The following NUDT9 variants were observed in gnomAD, a reference collection of about 807,000 sequenced individuals.
NUDT9 encodes the protein nudix hydrolase 9.
Under a neutral mutation model 41.0 loss-of-function variants are expected in NUDT9, and 31 were observed. The observed-to-expected ratio is 0.76, with a 90% confidence interval of 0.57 to 1.02. The LOEUF (loss-of-function observed/expected upper bound fraction) is 1.02. Among genes scored for constraint, NUDT9 ranks in the 50% least tolerant of loss-of-function variants. The pLI is 0.00. For missense variants in NUDT9, 380 were observed against 431.4 expected (o/e 0.88, Z 1.06); for synonymous variants, 146 against 147.6 (o/e 0.99, Z 0.08).
intron 1 of NUDT9, among the ~76,000 whole-genome samples, chr4:87,425,712 GAA>G (rs70957242): frequency 1.3e-3 from 120 of 94,706 alleles, no homozygotes; most frequent in South Asian, 7.8e-3. Context: ...CTGTCTCTTT[GAA>G]AAAAAAAAAA....
At chr4:87,457,750 T>C (rs747232205) in intron 7 of NUDT9, 93 bp from the exon 8 acceptor site, 36 of 1,125,800 alleles carry the variant, frequency 3.2e-5, no homozygotes, top group South Asian at 1.9e-4. Flanking sequence ...ACAATGATGA[T>C]ATAAGATTAT....
intron 3 of NUDT9, among the ~76,000 whole-genome samples, chr4:87,441,588 C>T (rs1185944964): frequency 6.6e-6 from 1 of 152,112 alleles, no homozygotes; most frequent in Non-Finnish European, 1.5e-5. Flanking sequence ...CATTGTAGAA[C>T]CACTTGGGGT....
At chr4:87,449,297 C>G (rs781111987) in intron 5 of NUDT9, 44 bp downstream of exon 5, 5 of 984,918 alleles carry the variant, frequency 5.1e-6, no homozygotes, top group Non-Finnish European at 8.2e-6. Context: ...CTTTTAGTTG[C>G]TTTACTTACT....
chr4:87,442,829 A>G (rs1477436797), intron 4 of NUDT9, among the ~76,000 whole-genome samples: 1 of 151,856 alleles, frequency 6.6e-6, no homozygotes, highest in Non-Finnish European at 1.5e-5. Flanking sequence ...GAAAGTTGTC[A>G]GGGGCAGTAA....
chr4:87,450,761 T>C (rs1722675515), intron 5 of NUDT9, among the ~76,000 whole-genome samples: 2 of 152,198 alleles, frequency 1.3e-5, no homozygotes. Context: ...CATCATAGAA[T>C]CTTGCATTTT....
At position 87,451,671 on chromosome 4, in the gene NUDT9, C is replaced by T. The variant is rs1722715474; in HGVS notation, c.725C>T (p.Thr242Ile). The change falls in exon 6 of 8, where the codon ACC (threonine) becomes ATC (isoleucine). Residue 242 changes from threonine to isoleucine, a missense_variant. Physicochemically the swap from Thr to Ile is moderately conservative, Grantham distance 89. Coordinates refer to ENST00000302174, the MANE Select transcript of NUDT9 (RefSeq NM_024047.5). ...GEEALNSLQK[T>I]SAEKREIEEK... is the part of the protein sequence containing the mutation. The stretch of plus-strand genomic sequence containing the variant: ...GAAGCTCTCAACTCCTTACAGAAAA[C>T]CAGTGCTGAGAAGAGAGAAATAGAG... 2 of 1,613,714 alleles carry T rather than the reference C, an allele frequency of 1.2e-6. No individual in the cohort carries two copies. Among genetic ancestry groups the T allele is most frequent in the East Asian group, 4.5e-5 (2 of 44,848 alleles).
chr4:87,441,223 G>A (rs991798058), intron 3 of NUDT9, among the ~76,000 whole-genome samples: 3 of 152,246 alleles, frequency 2.0e-5, no homozygotes, highest in East Asian at 3.9e-4. Context: ...AATGACACAG[G>A]CATGAGTATT....
At chr4:87,454,928 C>G (rs1441728483) in intron 7 of NUDT9, among the ~76,000 whole-genome samples, 1 of 152,010 alleles carries the variant, frequency 6.6e-6, no homozygotes, top group Non-Finnish European at 1.5e-5. Flanking sequence ...TAAATGAATG[C>G]TGTTTCTGGT....
chr4:87,428,794 C>T (rs746709311), intron 1 of NUDT9, among the ~76,000 whole-genome samples: 3 of 152,132 alleles, frequency 2.0e-5, no homozygotes, highest in Non-Finnish European at 4.4e-5. Context: ...AAGAGATATC[C>T]TGTATACCTC....
intron 7 of NUDT9, among the ~76,000 whole-genome samples, chr4:87,456,378 G>A (rs1401730312): frequency 6.6e-6 from 1 of 152,176 alleles, no homozygotes; most frequent in Non-Finnish European, 1.5e-5. Flanking sequence ...GCGGGGGCTG[G>A]AGTTGGGTAT....
At chr4:87,434,543 C>A (rs929298242) in intron 1 of NUDT9, 2 of 151,596 alleles carry the variant, frequency 1.3e-5, no homozygotes, top group Non-Finnish European at 2.9e-5. Context: ...GACCTTTAGA[C>A]TAATATGCAT....
chr4:87,425,251 G>C (rs554591792), intron 1 of NUDT9, among the ~76,000 whole-genome samples: 204 of 152,140 alleles, frequency 1.3e-3, no homozygotes, highest in African/African-American at 4.7e-3. Context: ...AGTAGGATCA[G>C]AGTAGGCTCA....
chr4:87,430,973 T>C (rs1439553031), intron 1 of NUDT9, among the ~76,000 whole-genome samples: 2 of 152,208 alleles, frequency 1.3e-5, no homozygotes, highest in Non-Finnish European at 2.9e-5. Context: ...TTTTCTCTTG[T>C]TGCTTGTACT....
intron 1 of NUDT9, among the ~76,000 whole-genome samples, chr4:87,429,884 C>T (rs1039337645): frequency 6.6e-6 from 1 of 151,980 alleles, no homozygotes; most frequent in Non-Finnish European, 1.5e-5. Context: ...ATGGCTCCTT[C>T]TATATATGCT....
chr4:87,434,855 G>A, intron 1 of NUDT9, 126 bp from the exon 2 acceptor site: 4 of 746,108 alleles, frequency 5.4e-6, no homozygotes, highest in Non-Finnish European at 8.5e-6. Flanking sequence ...CTAACCTCAG[G>A]TGATCCACCT....
At chr4:87,426,800 C>G (rs1204120681) in intron 1 of NUDT9, among the ~76,000 whole-genome samples, 1 of 151,576 alleles carries the variant, frequency 6.6e-6, no homozygotes, top group Non-Finnish European at 1.5e-5. Context: ...CTTTGGAAGT[C>G]CGAGGCAGGA....
At chr4:87,454,296 C>A in intron 6 of NUDT9, 75 bp from the exon 7 acceptor site, 1 of 770,534 alleles carries the variant, frequency 1.3e-6, no homozygotes, top group Non-Finnish European at 2.3e-6. Context: ...ATTTCTGATG[C>A]TAGTGAAGGT....
chr4:87,440,744 G>T (rs1722169584), intron 3 of NUDT9, among the ~76,000 whole-genome samples: 2 of 152,066 alleles, frequency 1.3e-5, no homozygotes, highest in Admixed American at 1.3e-4. Context: ...TACTCAGGAG[G>T]CTGAGGCAGG....
intron 4 of NUDT9, among the ~76,000 whole-genome samples, chr4:87,443,191 AC>A (rs1321573058): frequency 1.3e-5 from 2 of 152,072 alleles, no homozygotes; most frequent in Admixed American, 1.3e-4. Flanking sequence ...ATCTTATGGG[AC>A]CACCGTTGCA....
Sources: allele counts gnomAD v4.1 joint callset (sites outside exome capture counted in the v4.1 genomes callset), GRCh38; gene constraint gnomAD v4.1.1; transcripts MANE v1.5; gene names NCBI Gene and HGNC (gene_info 2026-07-23, HGNC 2026-07-21).